LEMD3: variants seen among roughly 807,000 people sequenced by gnomAD.
LEMD3 encodes the protein inner nuclear membrane protein Man1.
In LEMD3, 33 loss-of-function variants were observed where a neutral mutation model predicts 95.2. That is an observed-to-expected ratio of 0.35 (90% confidence interval 0.26 to 0.46). The LOEUF (loss-of-function observed/expected upper bound fraction) is 0.46, where lower values mean the gene tolerates loss of function less well. LEMD3 is among the 20% of genes least tolerant of loss of function. LEMD3 has a pLI of 1.00. For missense variants in LEMD3, 1,210 were observed against 1,192.8 expected, an observed-to-expected ratio of 1.01 and a Z score of -0.21; for synonymous variants, 525 against 474.6, an observed-to-expected ratio of 1.11 and a Z score of -1.38.
chr12:65,200,617 G>A (rs748459604), intron 1 of LEMD3, among the ~76,000 whole-genome samples: 1 of 152,008 alleles, frequency 6.6e-6, no homozygotes, highest in East Asian at 1.9e-4. Context: ...CATCTTTTCT[G>A]TATACTTTCT....
intron 10 of LEMD3, among the ~76,000 whole-genome samples, chr12:65,245,129 ACT>A (rs1871058661): frequency 6.8e-6 from 1 of 146,016 alleles, no homozygotes; most frequent in Non-Finnish European, 1.5e-5. Context: ...AGCTCTCTGC[ACT>A]CTTTTTTTTT....
rs544586649 is a variant in LEMD3 at position 65,204,448 on chromosome 12, G to A, written c.1523-6478G>A. On this transcript the variant is annotated intron_variant, in intron 1 of 12. Transcript: ENST00000308330. The stretch of plus-strand genomic sequence containing the variant: ...ATAGAGTATTTGGTTTTCTGTTCTC[G>A]TGTTAGTTTGCTGAGGATAATGGCC... Among the ~76,000 whole-genome samples the A allele has an allele frequency of 1.8e-4, 27 of 152,144 alleles. No homozygotes were observed. In the South Asian group the frequency reaches 4.8e-3, roughly 27 times the overall value.
rs543505262 is a variant in LEMD3 at position 65,229,577 on chromosome 12, A to C, written c.1696-8925A>C. Among the ~76,000 whole-genome samples, 10 of 152,272 alleles carry C rather than the reference A, an allele frequency of 6.6e-5. No homozygotes were observed. The East Asian group carries it at 1.9e-3, about 29-fold the overall frequency. Reference sequence around the variant, plus strand: ...TTGTCCTTTTGATACTAGCAATTCTAACTGGGGTGAGTGAATATCTCATTG... The same window carrying C: ...TTGTCCTTTTGATACTAGCAATTCTCACTGGGGTGAGTGAATATCTCATTG... On this transcript the variant is annotated intron_variant, in intron 4 of 12. Transcript: ENST00000308330.
At chr12:65,235,515 G>C (rs1870747233) in intron 4 of LEMD3, among the ~76,000 whole-genome samples, 2 of 151,944 alleles carry the variant, frequency 1.3e-5, no homozygotes, top group Non-Finnish European at 2.9e-5. Context: ...AAAAATCTTA[G>C]TGGCAATAAA....
chr12:65,205,722 C>G (rs193125871), intron 1 of LEMD3, among the ~76,000 whole-genome samples: 1 of 152,050 alleles, frequency 6.6e-6, no homozygotes, highest in Non-Finnish European at 1.5e-5. Context: ...TTATCCCCAT[C>G]TAGGTTTGTA....
At chr12:65,237,912 ATAT>A (rs1409116361) in intron 4 of LEMD3, among the ~76,000 whole-genome samples, 4 of 152,212 alleles carry the variant, frequency 2.6e-5, no homozygotes, top group African/African-American at 7.2e-5. Flanking sequence ...TCTATAAATA[ATAT>A]TGCATTTTTA....
intron 1 of LEMD3, among the ~76,000 whole-genome samples, chr12:65,196,234 T>TA (rs533476091): frequency 1.0e-4 from 15 of 149,660 alleles, no homozygotes; most frequent in Admixed American, 3.3e-4. Context: ...AACATGTAAT[T>TA]AAAAAAAAAA....
intron 1 of LEMD3, among the ~76,000 whole-genome samples, chr12:65,205,155 A>C (rs1869725463): frequency 6.6e-6 from 1 of 152,104 alleles, no homozygotes; most frequent in Non-Finnish European, 1.5e-5. Context: ...ATCTCATGAG[A>C]ACTCACTATC....
chr12:65,223,204 T>C (rs1870344511), intron 4 of LEMD3, among the ~76,000 whole-genome samples: 1 of 152,118 alleles, frequency 6.6e-6, no homozygotes, highest in Admixed American at 6.6e-5. Flanking sequence ...TCTTCTAATG[T>C]GGGATACATA....
intron 1 of LEMD3, among the ~76,000 whole-genome samples, chr12:65,183,090 A>G (rs148286944): frequency 0.014 from 2,068 of 152,276 alleles, 24 homozygotes; most frequent in Non-Finnish European, 0.022. Flanking sequence ...AACTGTTACC[A>G]GTGATGGTTT....
chr12:65,246,307 T>C lies in LEMD3; in HGVS notation c.2718T>C (p.Asn906=). The change falls in exon 13 of 13, where the codon AAT becomes AAC. Residue 906 remains asparagine (N), a synonymous_variant. Coordinates refer to ENST00000308330, the MANE Select transcript of LEMD3 (RefSeq NM_014319.5). ...TTCGTCTTCGGACTGGCCTAACCAA[T>C]TCTCAAGGAAGTTCCTGAAAAGATT... The part of the protein sequence containing the change: ...SHLRLRTGLT[N]SQGSS 6.2e-7 allele frequency: 1 copy of C among 1,613,210 alleles called. No homozygotes were observed. The highest frequency in any genetic ancestry group is 8.5e-7 in the Non-Finnish European group (1 of 1,179,390).
chr12:65,214,920 C>T (rs1055299486), intron 2 of LEMD3, among the ~76,000 whole-genome samples: 1 of 152,120 alleles, frequency 6.6e-6, no homozygotes, highest in Non-Finnish European at 1.5e-5. Flanking sequence ...GGTACTTAGG[C>T]TGTACCATTG....
Position 65,247,582 on chromosome 12 carries a change from C to T in LEMD3, c.*1257C>T, listed in dbSNP as rs1405978661. 2.0e-5 allele frequency: 3 copies of T among 152,098 alleles called. No individual in the cohort carries two copies. The highest frequency in any genetic ancestry group is 2.9e-5 in the Non-Finnish European group (2 of 68,002). The allele number at this position is 152,098 out of a possible 1,614,324, so 9.4% of individuals were successfully genotyped here. On this transcript the variant is annotated 3_prime_UTR_variant, in exon 13 of 13. Transcript: ENST00000308330. ...AAAAATAGTTGCTGAGTAAATTTTA[C>T]TTGTAATCTACAATTGGCTTTTTAA...
chr12:65,189,483 C>T (rs1455012581), intron 1 of LEMD3, among the ~76,000 whole-genome samples: 2 of 152,192 alleles, frequency 1.3e-5, no homozygotes, highest in East Asian at 3.9e-4. Context: ...GGTGAACTCC[C>T]TGAGTGGCCC....
At chr12:65,245,297 AT>A (rs531377376) in intron 10 of LEMD3, 4,603 of 169,710 alleles carry the variant, frequency 0.027, no homozygotes, top group South Asian at 0.078. Flanking sequence ...CGCCTGGCTA[AT>A]TTTTTTTTTT....
intron 10 of LEMD3, among the ~76,000 whole-genome samples, chr12:65,244,566 G>C (rs537916193): frequency 2.0e-5 from 3 of 152,182 alleles, no homozygotes; most frequent in Admixed American, 6.5e-5. Flanking sequence ...TGTTAGTCCT[G>C]TATCAATTAT....
At chr12:65,224,637 T>G (rs1235010894) in intron 4 of LEMD3, among the ~76,000 whole-genome samples, 1 of 152,104 alleles carries the variant, frequency 6.6e-6, no homozygotes. Context: ...ATGAGTAGCT[T>G]GCGTCTTGGC....
chr12:65,218,047 A>G (rs1870162303), intron 3 of LEMD3, among the ~76,000 whole-genome samples: 1 of 152,252 alleles, frequency 6.6e-6, no homozygotes, highest in Admixed American at 6.5e-5. Context: ...ATACTCTGAA[A>G]ATGCACATAC....
intron 4 of LEMD3, among the ~76,000 whole-genome samples, chr12:65,225,287 C>T (rs1214321021): frequency 6.6e-6 from 1 of 151,944 alleles, no homozygotes; most frequent in African/African-American, 2.4e-5. Context: ...TGCCTTGTTA[C>T]TTTGTGTTGG....
Sources: gnomAD v4.1 joint callset for allele counts (sites outside exome capture counted in the v4.1 genomes callset) on GRCh38, gnomAD v4.1.1 for gene constraint, MANE v1.5 for transcripts, NCBI Gene and HGNC (gene_info 2026-07-23, HGNC 2026-07-21) for gene names.